ABCA6: variants seen among roughly 807,000 people sequenced by gnomAD.
The protein encoded by ABCA6 is ATP binding cassette subfamily A member 6.
ABCA6 carries 164 observed loss-of-function variants against 191.2 expected under a neutral mutation model. The observed-to-expected ratio is 0.86, with a 90% CI of 0.76 to 0.98. The LOEUF (loss-of-function observed/expected upper bound fraction) is 0.98. Ranked by LOEUF, ABCA6 falls within the 50% of genes least tolerant of loss-of-function variation. The probability of loss-of-function intolerance (pLI) is 0.00; values close to 1 mark genes in which losing one functional copy is unlikely to be tolerated. For synonymous variants in ABCA6, 636 were observed against 647.7 expected (o/e 0.98, Z 0.27); for missense variants, 1,958 against 1,894.1 (o/e 1.03, Z -0.63).
intron 7 of ABCA6, among the ~76,000 whole-genome samples, chr17:69,129,250 T>C (rs1032749314): frequency 2.0e-5 from 3 of 152,066 alleles, no homozygotes; most frequent in African/African-American, 7.2e-5. Flanking sequence ...GAAGAGATAT[T>C]GTGATCAGCT....
intron 19 of ABCA6, 39 bp downstream of exon 19, chr17:69,105,989 A>G (rs1391652624): frequency 6.5e-7 from 1 of 1,532,760 alleles, no homozygotes; most frequent in African/African-American, 1.4e-5. Flanking sequence ...CTCTTTTGAA[A>G]TTCATGATCT....
At chr17:69,107,045 A>G (rs1408025873) in intron 18 of ABCA6, among the ~76,000 whole-genome samples, 1 of 152,218 alleles carries the variant, frequency 6.6e-6, no homozygotes, top group Non-Finnish European at 1.5e-5. Context: ...ATTTAGTAGT[A>G]TAGGGGAAAG....
rs141676172 is a variant in ABCA6 at position 69,132,519 on chromosome 17, C to A, written c.791+1122G>T. Among the ~76,000 whole-genome samples the A allele has an allele frequency of 4.5e-3, 681 of 152,228 alleles. 4 individuals are homozygous for A. Among genetic ancestry groups the A allele is most frequent in the African/African-American group, 0.015 (643 of 41,534 alleles). On this transcript the variant is annotated intron_variant, in intron 6 of 38. Coordinates refer to ENST00000284425, the MANE Select transcript of ABCA6 (RefSeq NM_080284.3). Reference sequence around the variant, plus strand: ...TTGTTTTTATGGAGTCTCACTCTGTCGCCCAGGCTGGAGTGCAGTAGCACG... The same window carrying A: ...TTGTTTTTATGGAGTCTCACTCTGTAGCCCAGGCTGGAGTGCAGTAGCACG...
intron 2 of ABCA6, among the ~76,000 whole-genome samples, chr17:69,137,872 A>G (rs1310483437): frequency 6.6e-6 from 1 of 152,184 alleles, no homozygotes; most frequent in Non-Finnish European, 1.5e-5. Context: ...TATTTTTGCC[A>G]GTTGTCATAT....
intron 34 of ABCA6, among the ~76,000 whole-genome samples, chr17:69,083,699 C>T (rs374381155): frequency 1.1e-4 from 17 of 152,150 alleles, no homozygotes; most frequent in South Asian, 2.1e-4. Context: ...GATTCATAAG[C>T]GATTCTCTAC....
chr17:69,124,810 A>T (rs752734604), intron 9 of ABCA6, 78 bp downstream of exon 9: 52 of 762,382 alleles, frequency 6.8e-5, no homozygotes, highest in Non-Finnish European at 7.8e-5. Context: ...TTCATTTTAA[A>T]AGTCTATATA....
intron 22 of ABCA6, chr17:69,099,560 C>T (rs1293192043): frequency 6.5e-6 from 1 of 154,118 alleles, no homozygotes. Context: ...TGGATGTGTT[C>T]TTTTGAAGGA....
In ABCA6 at chr17:69,113,710, T is replaced by C. The variant is rs148330093; in HGVS notation, c.1810A>G (p.Met604Val). The C allele has an allele frequency of 2.5e-6, 4 of 1,612,472 alleles. No individual in the cohort carries two copies. The highest frequency in any genetic ancestry group is 3.4e-6 in the Non-Finnish European group (4 of 1,179,098). The change falls in exon 14 of 39, where the codon ATG becomes GTG. Residue 604 changes from methionine (M) to valine (V), a missense_variant. Coordinates refer to ENST00000284425, the MANE Select transcript of ABCA6 (RefSeq NM_080284.3). ...EVQRILLELD[M>V]QNIQDNLAKH... The stretch of plus-strand genomic sequence containing the variant: ...GCAAGGTTATCTTGAATGTTTTGCA[T>C]GTCCAATTCCAATAATATTCGTTGT...
Position 69,096,281 on chromosome 17 carries a change from T to A in ABCA6, c.3367A>T (p.Arg1123Trp), listed in dbSNP as rs542008351. ...GACCAAAGGCCACTGTTTTTTCTCC[T>A]TTTGCGAAAAATAAATGATATCATA... ...IYMISFIFRK[R>W]RKNSGLWSFY... The change falls in exon 25 of 39, where the codon AGG (arginine) becomes TGG (tryptophan). Residue 1123 changes from arginine to tryptophan, a missense_variant. Coordinates refer to ENST00000284425, the MANE Select transcript of ABCA6 (RefSeq NM_080284.3). 3.9e-6 allele frequency: 6 copies of A among 1,536,216 alleles called. No individual in the cohort carries two copies. In the East Asian group the frequency reaches 1.4e-4, roughly 35 times the overall value.
Position 69,085,062 on chromosome 17 carries a change from GC to G in ABCA6, c.4149del (p.Leu1384SerfsTer13). 3 of 1,613,066 alleles carry G rather than the reference GC, an allele frequency of 1.9e-6. No individual in the cohort carries two copies. Among genetic ancestry groups the G allele is most frequent in the Non-Finnish European group, 2.5e-6 (3 of 1,179,778 alleles). ...EHLEVYAAVK[G>X]LRKADARLAI... Reference sequence around the variant, plus strand: ...GCGAGCCTCGCGTCCGCTTTCCTGAGCCCCTTGACGGCAGCATACACCTCCA... The same window carrying G: ...GCGAGCCTCGCGTCCGCTTTCCTGAGCCCTTGACGGCAGCATACACCTCCA... On this transcript the variant is annotated frameshift_variant, in exon 32 of 39. Transcript: ENST00000284425. LOFTEE classifies it high-confidence loss of function.
At chr17:69,113,158 A>C in intron 15 of ABCA6, 64 bp downstream of exon 15, 1 of 1,544,580 alleles carries the variant, frequency 6.5e-7, no homozygotes, top group Non-Finnish European at 8.7e-7. Context: ...TACCCTGGGA[A>C]TAGACCTCGC....
At chr17:69,135,805 C>T in intron 4 of ABCA6, 1 of 443,234 alleles carries the variant, frequency 2.3e-6, no homozygotes, top group East Asian at 3.4e-5. Flanking sequence ...GTCTTTGCTG[C>T]TAACCTGGAA....
chr17:69,105,795 CATT>C, intron 19 of ABCA6, 167 bp from the exon 20 acceptor site: 1 of 709,488 alleles, frequency 1.4e-6, no homozygotes, highest in Non-Finnish European at 2.3e-6. Context: ...TACCAGAAGG[CATT>C]ACTATATAAA....
intron 10 of ABCA6, among the ~76,000 whole-genome samples, chr17:69,121,221 T>G (rs28524118): frequency 0.016 from 2,422 of 152,148 alleles, 46 homozygotes; most frequent in African/African-American, 0.054. Flanking sequence ...CACTAAGAAA[T>G]GATCACTGTG....
chr17:69,107,576 G>A (rs2073332210), intron 18 of ABCA6, 120 bp downstream of exon 18: 1 of 736,298 alleles, frequency 1.4e-6, no homozygotes, highest in Non-Finnish European at 2.3e-6. Context: ...AAACAGCAGA[G>A]CCAAATTTGG....
At chr17:69,082,830 G>T (rs2144605575) in intron 36 of ABCA6, 43 bp downstream of exon 36, 2 of 1,612,664 alleles carry the variant, frequency 1.2e-6, no homozygotes, top group Non-Finnish European at 1.7e-6. Context: ...CCACTGAGTG[G>T]ATAAACCCTC....
chr17:69,081,909 C>T (rs905988031), intron 36 of ABCA6, among the ~76,000 whole-genome samples: 5 of 152,162 alleles, frequency 3.3e-5, no homozygotes, highest in African/African-American at 9.7e-5. Flanking sequence ...AAGGAAGAGA[C>T]GTAATTGATT....
In ABCA6 at chr17:69,123,275, G is replaced by A. The variant is rs538959210; in HGVS notation, c.1400C>T (p.Pro467Leu). The change falls in exon 10 of 39, where the codon CCA becomes CTA. Residue 467 changes from proline (P) to leucine (L), a missense_variant. Pro to Leu is a moderately conservative substitution (Grantham distance 98). Coordinates refer to ENST00000284425, the MANE Select transcript of ABCA6 (RefSeq NM_080284.3). ...AEHPSDDYFE[P>L]VAPEFQGKEA... ...TTTTCCTTGGAATTCAGGAGCTACT[G>A]GTTCAAAATAATCATCAGAGGGATG... 1.3e-6 allele frequency: 2 copies of A among 1,523,990 alleles called. No homozygotes were observed. Among genetic ancestry groups the A allele is most frequent in the Non-Finnish European group, 1.8e-6 (2 of 1,126,436 alleles). The allele number at this position is 1,523,990 out of a possible 1,614,324, so 94.4% of individuals were successfully genotyped here. A position where few individuals can be genotyped will look rare whatever the true frequency, so the allele number is the denominator to read the frequency against.
chr17:69,115,344 A>G, intron 12 of ABCA6, 32 bp downstream of exon 12: 1 of 1,523,036 alleles, frequency 6.6e-7, no homozygotes, highest in Non-Finnish European at 9.0e-7. Context: ...ATTATAAGAC[A>G]TCTTGCCTTT....
Sources: gnomAD v4.1 joint callset for allele counts (sites outside exome capture counted in the v4.1 genomes callset) on GRCh38, gnomAD v4.1.1 for gene constraint, MANE v1.5 for transcripts, NCBI Gene and HGNC (gene_info 2026-07-23, HGNC 2026-07-21) for gene names.